The following ENTREP2 variants were observed in gnomAD, a reference collection of about 807,000 sequenced individuals.
The protein encoded by ENTREP2 is protein ENTREP2.
the ENTREP2 span, among the ~76,000 whole-genome samples, chr15:29,438,524 C>G: frequency 6.6e-6 from 1 of 151,924 alleles, no homozygotes; most frequent in Non-Finnish European, 1.5e-5. Context: ...GCTGGAAATG[C>G]CGCAGCTGAC....
At chr15:29,618,798 CCA>C in the ENTREP2 span, among the ~76,000 whole-genome samples, 1 of 152,154 alleles carries the variant, frequency 6.6e-6, no homozygotes, top group Non-Finnish European at 1.5e-5. Context: ...GTGGCAGCAC[CCA>C]CAGACTTAGG....
the ENTREP2 span, among the ~76,000 whole-genome samples, chr15:29,253,336 T>C: frequency 6.6e-6 from 1 of 152,238 alleles, no homozygotes; most frequent in African/African-American, 2.4e-5. Context: ...AACTTTCTGA[T>C]TGTAGTCCTC....
At chr15:29,675,317 T>G in the ENTREP2 span, 1 of 152,202 alleles carries the variant, frequency 6.6e-6, no homozygotes, top group African/African-American at 2.4e-5. Context: ...GGATGGGAAC[T>G]CCCACGCAGC....
chr15:29,122,457 TCA>T, the ENTREP2 span: 74 of 152,326 alleles, frequency 4.9e-4, 1 homozygote, highest in African/African-American at 1.6e-3. Flanking sequence ...GGGCTACTTC[TCA>T]GAGAAACCGG....
At chr15:29,256,318 T>G in the ENTREP2 span, among the ~76,000 whole-genome samples, 3 of 152,288 alleles carry the variant, frequency 2.0e-5, 1 homozygote, top group Middle Eastern at 3.4e-3. Flanking sequence ...CACATGTACC[T>G]CCTGAATCTA....
the ENTREP2 span, among the ~76,000 whole-genome samples, chr15:29,184,242 C>T: frequency 6.6e-6 from 1 of 152,208 alleles, no homozygotes; most frequent in Non-Finnish European, 1.5e-5. Flanking sequence ...GCCTCGGCCT[C>T]CCAAAGTGCT....
the ENTREP2 span, among the ~76,000 whole-genome samples, chr15:29,299,400 C>A: frequency 6.6e-6 from 1 of 152,164 alleles, no homozygotes; most frequent in Non-Finnish European, 1.5e-5. Flanking sequence ...GCCTCTTCAG[C>A]GTCACCTTTT....
chr15:29,124,955 G>A, the ENTREP2 span, among the ~76,000 whole-genome samples: 2 of 152,216 alleles, frequency 1.3e-5, no homozygotes, highest in Non-Finnish European at 2.9e-5. Context: ...GGGTCAAGTG[G>A]TGTCCCAGGT....
the ENTREP2 span, among the ~76,000 whole-genome samples, chr15:29,532,462 G>A: frequency 6.6e-6 from 1 of 151,964 alleles, no homozygotes; most frequent in East Asian, 1.9e-4. Flanking sequence ...CCTTCCTACT[G>A]GCAGACACAA....
At chr15:29,572,973 G>C in the ENTREP2 span, among the ~76,000 whole-genome samples, 45 of 152,212 alleles carry the variant, frequency 3.0e-4, no homozygotes, top group African/African-American at 1.1e-3. Flanking sequence ...AGAGGTGATA[G>C]TGTTTTGGAT....
chr15:29,189,762 G>A, the ENTREP2 span, among the ~76,000 whole-genome samples: 1 of 152,084 alleles, frequency 6.6e-6, no homozygotes, highest in African/African-American at 2.4e-5. Flanking sequence ...GTGAATACTG[G>A]TCCAAAAATA....
At chr15:29,196,088 A>C in the ENTREP2 span, among the ~76,000 whole-genome samples, 1 of 152,108 alleles carries the variant, frequency 6.6e-6, no homozygotes, top group Non-Finnish European at 1.5e-5. Context: ...ATAAATCCCC[A>C]TTTGTTCCCT....
At chr15:29,299,073 T>C in the ENTREP2 span, among the ~76,000 whole-genome samples, 1 of 152,184 alleles carries the variant, frequency 6.6e-6, no homozygotes, top group African/African-American at 2.4e-5. Context: ...CCACATAAGG[T>C]TGGATCCAGG....
At chr15:29,561,693 T>A in the ENTREP2 span, among the ~76,000 whole-genome samples, 11,456 of 147,662 alleles carry the variant, frequency 0.078, 609 homozygotes, top group Non-Finnish European at 0.11. Flanking sequence ...ATCTCAAAAT[T>A]ATAATAATAA....
chr15:29,506,257 G>T, the ENTREP2 span, among the ~76,000 whole-genome samples: 1 of 152,166 alleles, frequency 6.6e-6, no homozygotes, highest in Non-Finnish European at 1.5e-5. Context: ...ATGGGACTAT[G>T]TGAAAAGACC....
chr15:29,315,131 G>A, the ENTREP2 span, among the ~76,000 whole-genome samples: 40,347 of 152,036 alleles, frequency 0.27, 5,638 homozygotes, highest in Non-Finnish European at 0.31. Flanking sequence ...TCTTGGATAA[G>A]AAGATACAAC....
the ENTREP2 span, among the ~76,000 whole-genome samples, chr15:29,447,012 C>A: frequency 9.2e-5 from 14 of 152,300 alleles, no homozygotes; most frequent in African/African-American, 3.4e-4. Flanking sequence ...CCATCCACAA[C>A]CTTAATTCCC....
chr15:29,439,152 C>A, the ENTREP2 span, among the ~76,000 whole-genome samples: 75,145 of 151,634 alleles, frequency 0.5, 19,827 homozygotes, highest in African/African-American at 0.69. Context: ...TCAGACGATC[C>A]AATCACTCTG....
the ENTREP2 span, among the ~76,000 whole-genome samples, chr15:29,662,715 C>T: frequency 6.6e-6 from 1 of 152,010 alleles, no homozygotes; most frequent in Non-Finnish European, 1.5e-5. Context: ...CCTCCCGATT[C>T]TTTTTCTTTT....
Sources: gnomAD v4.1 joint callset for allele counts (sites outside exome capture counted in the v4.1 genomes callset) on GRCh38, gnomAD v4.1.1 for gene constraint, MANE v1.5 for transcripts, NCBI Gene and HGNC (gene_info 2026-07-23, HGNC 2026-07-21) for gene names.